Variants in SPTLC3 observed in about 807,000 individuals in gnomAD.
SPTLC3 encodes the protein serine palmitoyltransferase 3.
SPTLC3 carries 36 observed loss-of-function variants against 59.3 expected under a neutral mutation model. That is an observed-to-expected ratio of 0.61 (90% CI 0.47 to 0.80). The LOEUF (loss-of-function observed/expected upper bound fraction) is 0.80. Ranked by LOEUF, SPTLC3 falls within the 30% of genes least tolerant of loss-of-function variation. The probability of loss-of-function intolerance (pLI) is 0.00; values close to 1 mark genes in which losing one functional copy is unlikely to be tolerated. For synonymous variants in SPTLC3, 257 were observed against 240.8 expected (o/e 1.07, Z -0.62); for missense variants, 625 against 685.1 (o/e 0.91, Z 0.98).
chr20:13,031,377 A>G (rs1033103391), intron 1 of SPTLC3, among the ~76,000 whole-genome samples: 1 of 152,188 alleles, frequency 6.6e-6, no homozygotes, highest in Non-Finnish European at 1.5e-5. Flanking sequence ...AACAGCATAG[A>G]TCTAAACCGT....
chr20:13,149,019 C>A (rs965666469), intron 9 of SPTLC3, among the ~76,000 whole-genome samples: 3 of 152,184 alleles, frequency 2.0e-5, no homozygotes, highest in African/African-American at 7.2e-5. Context: ...GATTTTTAGG[C>A]TGTTCAGGTG....
intron 1 of SPTLC3, among the ~76,000 whole-genome samples, chr20:13,042,044 T>G (rs971875621): frequency 2.6e-5 from 4 of 152,234 alleles, no homozygotes; most frequent in African/African-American, 9.6e-5. Context: ...CATAAATTGC[T>G]TCACAATCTA....
chr20:13,136,629 T>G (rs2038252429), intron 9 of SPTLC3, among the ~76,000 whole-genome samples: 1 of 145,076 alleles, frequency 6.9e-6, no homozygotes, highest in African/African-American at 2.6e-5. Flanking sequence ...AATATACATA[T>G]AAAAATTATA....
chr20:13,040,963 A>G (rs1366241324), intron 1 of SPTLC3, among the ~76,000 whole-genome samples: 1 of 151,878 alleles, frequency 6.6e-6, no homozygotes, highest in African/African-American at 2.4e-5. Flanking sequence ...TGTTCACCTT[A>G]TTGGGGTTCA....
intron 3 of SPTLC3, chr20:13,073,897 T>C: frequency 1.8e-6 from 1 of 554,372 alleles, no homozygotes; most frequent in Non-Finnish European, 3.6e-6. Context: ...TCCTGTTTGT[T>C]GGTTCCCAGA....
rs975581857 is a variant in SPTLC3 at position 13,165,000 on chromosome 20, G to A, written c.*133G>A. The A allele has an allele frequency of 7.7e-6, 5 of 649,604 alleles. No homozygotes were observed. The highest frequency in any genetic ancestry group is 3.7e-5 in the African/African-American group (2 of 54,548). The allele number at this position is 649,604 out of a possible 1,614,324, so 40.2% of individuals were successfully genotyped here. ...TCCCAGACCAGCTTGATTGAACTGA[G>A]GGAGACGTTGTTGTTTTTAATGTCT... On this transcript the variant is annotated 3_prime_UTR_variant, in exon 12 of 12. Coordinates refer to ENST00000399002, the MANE Select transcript of SPTLC3 (RefSeq NM_018327.4).
intron 2 of SPTLC3, among the ~76,000 whole-genome samples, chr20:13,056,253 G>A (rs1987718738): frequency 6.6e-6 from 1 of 152,132 alleles, no homozygotes; most frequent in South Asian, 2.1e-4. Flanking sequence ...TCTGATCTCT[G>A]TGAGGTCCAG....
chr20:13,144,432 C>T (rs2038457887), intron 9 of SPTLC3, among the ~76,000 whole-genome samples: 1 of 152,224 alleles, frequency 6.6e-6, no homozygotes, highest in African/African-American at 2.4e-5. Context: ...GTAGCTATTA[C>T]TATCATCCCC....
chr20:13,136,891 A>G, intron 9 of SPTLC3, among the ~76,000 whole-genome samples: 1 of 152,078 alleles, frequency 6.6e-6, no homozygotes, highest in Non-Finnish European at 1.5e-5. Context: ...TCCTTCTTTA[A>G]TTATCTTAGA....
intron 11 of SPTLC3, chr20:13,164,466 G>T: frequency 1.9e-6 from 1 of 523,258 alleles, no homozygotes. Flanking sequence ...AACCTTTTAA[G>T]GGTAAGCATG....
intron 1 of SPTLC3, among the ~76,000 whole-genome samples, chr20:13,027,900 C>T (rs1190117258): frequency 2.0e-5 from 3 of 152,086 alleles, no homozygotes; most frequent in Admixed American, 1.3e-4. Context: ...CCTTTGTCAT[C>T]ACATCTCTAT....
chr20:13,036,965 C>A (rs1315758999), intron 1 of SPTLC3, among the ~76,000 whole-genome samples: 3 of 152,030 alleles, frequency 2.0e-5, no homozygotes, highest in Non-Finnish European at 2.9e-5. Flanking sequence ...ATTGGGTAGT[C>A]CTTGGCTTTG....
chr20:13,027,637 GCACGCACACACACA>G (rs1195638534), intron 1 of SPTLC3, among the ~76,000 whole-genome samples: 1 of 71,444 alleles, frequency 1.4e-5, no homozygotes, highest in African/African-American at 4.1e-5. Flanking sequence ...ATCTATTTCA[GCACGCACACACACA>G]CACACACACA....
chr20:13,163,380 A>C (rs1055064136), intron 11 of SPTLC3, among the ~76,000 whole-genome samples: 10 of 151,654 alleles, frequency 6.6e-5, no homozygotes, highest in Non-Finnish European at 1.5e-5. Context: ...AAAAAAAAAA[A>C]AAAAAAAAAA....
intron 2 of SPTLC3, among the ~76,000 whole-genome samples, chr20:13,056,426 C>A (rs1987726057): frequency 6.6e-6 from 1 of 151,314 alleles, no homozygotes; most frequent in Admixed American, 6.6e-5. Flanking sequence ...TCTCCCAACC[C>A]TGTCCATAGA....
chr20:13,144,007 T>G (rs1456638575), intron 9 of SPTLC3, among the ~76,000 whole-genome samples: 1 of 152,172 alleles, frequency 6.6e-6, no homozygotes, highest in Non-Finnish European at 1.5e-5. Context: ...TCAGAGCATG[T>G]CATGTTTACT....
At chr20:13,092,693 T>C (rs1183889436) in intron 5 of SPTLC3, among the ~76,000 whole-genome samples, 1 of 152,212 alleles carries the variant, frequency 6.6e-6, no homozygotes, top group East Asian at 1.9e-4. Context: ...AGTACAAATA[T>C]ATGGGAATTT....
At chr20:13,161,519 C>T (rs6041926) in intron 11 of SPTLC3, among the ~76,000 whole-genome samples, 8,095 of 152,096 alleles carry the variant, frequency 0.053, 250 homozygotes, top group African/African-American at 0.08. Flanking sequence ...AGGGTAGATA[C>T]AGGAATCGCA....
chr20:13,022,279 C>G (rs1210494293), intron 1 of SPTLC3, among the ~76,000 whole-genome samples: 2 of 152,168 alleles, frequency 1.3e-5, no homozygotes, highest in African/African-American at 4.8e-5. Context: ...TCACCTTTCC[C>G]TCAGCAACTC....
Sources: allele counts gnomAD v4.1 joint callset (sites outside exome capture counted in the v4.1 genomes callset), GRCh38; gene constraint gnomAD v4.1.1; transcripts MANE v1.5; gene names NCBI Gene and HGNC (gene_info 2026-07-23, HGNC 2026-07-21).